The following CDK6 variants were observed in gnomAD, a reference collection of about 807,000 sequenced individuals.
CDK6 encodes the protein cyclin-dependent kinase 6.
Under a neutral mutation model 37.1 loss-of-function variants are expected in CDK6, and 6 were observed. That is an observed-to-expected ratio of 0.16 (90% CI 0.09 to 0.32). The LOEUF (loss-of-function observed/expected upper bound fraction) is 0.32, where lower values mean the gene tolerates loss of function less well. CDK6 is among the 10% of genes least tolerant of loss of function. The pLI is 1.00. For synonymous variants in CDK6, 160 were observed against 161.3 expected, an observed-to-expected ratio of 0.99 and a Z score of 0.06; for missense variants, 224 against 418.9, an observed-to-expected ratio of 0.53 and a Z score of 4.06.
At chr7:92,792,402 A>G (rs1183865122) in intron 2 of CDK6, among the ~76,000 whole-genome samples, 1 of 152,168 alleles carries the variant, frequency 6.6e-6, no homozygotes, top group African/African-American at 2.4e-5. Context: ...TTATTAGACC[A>G]TTTCCCTGTT....
chr7:92,832,581 ATAT>A (rs1801518119), intron 2 of CDK6, among the ~76,000 whole-genome samples: 3 of 152,176 alleles, frequency 2.0e-5, no homozygotes, highest in Admixed American at 2.0e-4. Context: ...ACTGGCAAAA[ATAT>A]TATGATGTTT....
At chr7:92,708,355 A>T (rs1049320639) in intron 4 of CDK6, among the ~76,000 whole-genome samples, 1 of 152,226 alleles carries the variant, frequency 6.6e-6, no homozygotes, top group Non-Finnish European at 1.5e-5. Context: ...TTTGGTGAGC[A>T]TAATCTATGT....
chr7:92,617,163 T>C (rs575730938), intron 7 of CDK6, among the ~76,000 whole-genome samples: 1 of 152,302 alleles, frequency 6.6e-6, no homozygotes, highest in South Asian at 2.1e-4. Context: ...CTTTCCTCCA[T>C]TCAAGTTGGC....
At chr7:92,748,594 AC>A (rs769491830) in intron 3 of CDK6, among the ~76,000 whole-genome samples, 2 of 152,242 alleles carry the variant, frequency 1.3e-5, no homozygotes, top group Non-Finnish European at 2.9e-5. Context: ...GGATAAGAAA[AC>A]TAGGGCTCAG....
chr7:92,677,576 T>C (rs1797234449), intron 4 of CDK6, among the ~76,000 whole-genome samples: 1 of 152,168 alleles, frequency 6.6e-6, no homozygotes, highest in South Asian at 2.1e-4. Flanking sequence ...ATTGTATCCC[T>C]TTAGTCTGGG....
chr7:92,667,931 A>C (rs1215216990), intron 5 of CDK6, among the ~76,000 whole-genome samples: 1 of 152,212 alleles, frequency 6.6e-6, no homozygotes, highest in Non-Finnish European at 1.5e-5. Context: ...AAATATTTTT[A>C]GATAAATTTA....
chr7:92,822,576 G>C (rs1229109053), intron 2 of CDK6, among the ~76,000 whole-genome samples: 1 of 152,054 alleles, frequency 6.6e-6, no homozygotes, highest in Non-Finnish European at 1.5e-5. Flanking sequence ...CTGGATGCTG[G>C]AGATAATGCG....
intron 5 of CDK6, among the ~76,000 whole-genome samples, chr7:92,633,019 T>C (rs183144775): frequency 5.5e-4 from 84 of 151,438 alleles, no homozygotes; most frequent in Admixed American, 1.1e-3. Context: ...TAGTCCTTAG[T>C]TTTGAACAAG....
rs1025212856 is a variant in CDK6 at position 92,608,599 on chromosome 7, G to C, written c.*6541C>G. On this transcript the variant is annotated 3_prime_UTR_variant, in exon 8 of 8. Transcript: ENST00000424848. ...GAGCTTAGCGCCTGAGAGATGCGGGGTAGACAGCTTCACACAGGGCAGCTG... is the reference window on the plus strand; with the variant it reads ...GAGCTTAGCGCCTGAGAGATGCGGGCTAGACAGCTTCACACAGGGCAGCTG... 1 of 232,216 alleles carries C rather than the reference G, an allele frequency of 4.3e-6. No individual in the cohort carries two copies. The highest frequency in any genetic ancestry group is 2.2e-5 in the African/African-American group (1 of 45,288). The allele number at this position is 232,216 out of a possible 1,614,324, so 14.4% of individuals were successfully genotyped here.
intron 5 of CDK6, among the ~76,000 whole-genome samples, chr7:92,636,367 T>C (rs1005082476): frequency 1.3e-5 from 2 of 152,008 alleles, no homozygotes; most frequent in African/African-American, 2.4e-5. Flanking sequence ...CCAACACAAA[T>C]ATTAAGGTCA....
intron 5 of CDK6, among the ~76,000 whole-genome samples, chr7:92,653,105 G>C (rs1562925523): frequency 6.6e-6 from 1 of 152,128 alleles, no homozygotes; most frequent in Non-Finnish European, 1.5e-5. Context: ...TAATAGAAAC[G>C]TATTTTATCC....
At chr7:92,650,805 T>A (rs1315178806) in intron 5 of CDK6, among the ~76,000 whole-genome samples, 3 of 152,204 alleles carry the variant, frequency 2.0e-5, no homozygotes, top group Admixed American at 2.0e-4. Context: ...GGCTGCTACG[T>A]CTCAGAGCCA....
chr7:92,758,386 G>A (rs968671726), intron 3 of CDK6, among the ~76,000 whole-genome samples: 3 of 152,152 alleles, frequency 2.0e-5, no homozygotes, highest in Non-Finnish European at 4.4e-5. Context: ...TTACTGAATA[G>A]AGAATCTTTT....
intron 3 of CDK6, among the ~76,000 whole-genome samples, chr7:92,733,523 T>C (rs1263328088): frequency 6.6e-6 from 1 of 152,226 alleles, no homozygotes; most frequent in African/African-American, 2.4e-5. Flanking sequence ...CTTTTTCACA[T>C]CATGCTGTAT....
At chr7:92,645,159 G>C (rs2116544419) in intron 5 of CDK6, among the ~76,000 whole-genome samples, 1 of 152,332 alleles carries the variant, frequency 6.6e-6, no homozygotes, top group Middle Eastern at 3.4e-3. Flanking sequence ...TTGGTTTGGA[G>C]TCTATGGTGT....
chr7:92,771,189 T>A lies in CDK6; in HGVS notation c.369+3507A>T, dbSNP rs1195828246. On this transcript the variant is annotated intron_variant, in intron 3 of 7. Transcript: ENST00000424848. ...AGGTGGAGGTTGCAGTGAGTTGAGA[T>A]CGCGCCACTGCACTCCAGCCTGGTG... Among the ~76,000 whole-genome samples the A allele has an allele frequency of 3.4e-5, 5 of 146,410 alleles. No homozygotes were observed. In the East Asian group the frequency reaches 1.0e-3, roughly 29 times the overall value.
At chr7:92,618,357 T>C in intron 6 of CDK6, 150 bp from the exon 7 acceptor site, 1 of 681,156 alleles carries the variant, frequency 1.5e-6, no homozygotes. Context: ...GGGTCTCTGT[T>C]TATCTCTGTC....
At chr7:92,710,286 T>C (rs956672383) in intron 4 of CDK6, among the ~76,000 whole-genome samples, 3 of 152,182 alleles carry the variant, frequency 2.0e-5, no homozygotes, top group East Asian at 1.9e-4. Context: ...TTGGAAAAGA[T>C]TGTCTTCCCT....
At chr7:92,693,957 C>CA (rs947915399) in intron 4 of CDK6, among the ~76,000 whole-genome samples, 3 of 152,204 alleles carry the variant, frequency 2.0e-5, no homozygotes, top group African/African-American at 7.2e-5. Context: ...GCCTCATGCT[C>CA]AGTGTACAAA....
Sources: allele counts gnomAD v4.1 joint callset (sites outside exome capture counted in the v4.1 genomes callset), GRCh38; gene constraint gnomAD v4.1.1; transcripts MANE v1.5; gene names NCBI Gene and HGNC (gene_info 2026-07-23, HGNC 2026-07-21).